Variants in GTF2IRD2B observed in about 807,000 individuals in gnomAD.
GTF2IRD2B encodes general transcription factor II-I repeat domain-containing protein 2B.
In GTF2IRD2B, 10 loss-of-function variants were observed where a neutral mutation model predicts 55.6. The observed-to-expected ratio is 0.18, with a 90% CI of 0.11 to 0.31. GTF2IRD2B has a LOEUF of 0.31. Among genes scored for constraint, GTF2IRD2B ranks in the 10% least tolerant of loss-of-function variants. The pLI is 1.00. For missense variants in GTF2IRD2B, 206 were observed against 802.7 expected, an observed-to-expected ratio of 0.26 and a Z score of 8.98; for synonymous variants, 107 against 320.5, an observed-to-expected ratio of 0.33 and a Z score of 7.12.
chr7:75,147,869 T>C lies in GTF2IRD2B; in HGVS notation c.1422T>C (p.Tyr474=). The change falls in exon 16 of 16, where the codon TAT becomes TAC. Residue 474 remains tyrosine, a synonymous_variant. Coordinates refer to ENST00000472837, the MANE Select transcript of GTF2IRD2B (RefSeq NM_001003795.3). ...ATCAAACCAATCACAGCAAGCATTA[T>C]GACCAGTATACGGAAAGAATGCGTG... The part of the protein sequence containing the change: ...RHYQTNHSKH[Y]DQYTERMRDE... 1 of 1,378,848 alleles carries C rather than the reference T, an allele frequency of 7.3e-7. No individual in the cohort carries two copies. Among genetic ancestry groups the C allele is most frequent in the Non-Finnish European group, 1.0e-6 (1 of 966,086 alleles). The allele number at this position is 1,378,848 out of a possible 1,614,324, so 85.4% of individuals were successfully genotyped here.
intron 10 of GTF2IRD2B, among the ~76,000 whole-genome samples, chr7:75,136,250 A>G (rs1262681338): frequency 2.9e-5 from 4 of 139,468 alleles, no homozygotes; most frequent in African/African-American, 1.2e-4. Context: ...TTAGTTGTAT[A>G]TATCTGCCTT....
In GTF2IRD2B at chr7:75,149,578, A is replaced by C. The variant is rs1809267576; in HGVS notation, c.*281A>C. ...GTATTAGTAGAGATGAGGTTTCACC[A>C]TGTTGGCCAGGCTGGTCTCCAACTC... On this transcript the variant is annotated 3_prime_UTR_variant, in exon 16 of 16. Transcript: ENST00000472837. 1.1e-4 allele frequency: 43 copies of C among 386,406 alleles called. 1 individual carries two copies. Among genetic ancestry groups the C allele is most frequent in the South Asian group, 9.0e-4 (42 of 46,804 alleles). 23.9% of individuals were successfully genotyped at this position (386,406 alleles called of 1,614,324 possible). A position where few individuals can be genotyped will look rare whatever the true frequency, so the allele number is the denominator to read the frequency against.
chr7:75,121,584 A>G (rs1242252439), intron 4 of GTF2IRD2B, among the ~76,000 whole-genome samples: 1 of 139,444 alleles, frequency 7.2e-6, no homozygotes, highest in East Asian at 2.2e-4. Flanking sequence ...CCAGCCTCCT[A>G]AGTAGCTGGG....
rs188484808 is a variant in GTF2IRD2B, at chr7:75,126,830, C to T, written c.670+445C>T. ...TGGCCAACGTAGTAAAACCCTGTCT[C>T]TACTAAAATACAAAAAATTAGCTGG... On this transcript the variant is annotated intron_variant, in intron 8 of 15. Coordinates refer to ENST00000472837, the MANE Select transcript of GTF2IRD2B (RefSeq NM_001003795.3). 3.5e-3 allele frequency among the ~76,000 whole-genome samples: 522 copies of T among 150,658 alleles called. 9 individuals carry two copies. The highest frequency in any genetic ancestry group is 0.012 in the African/African-American group (495 of 41,268).
rs1807391634 is a variant in GTF2IRD2B at position 75,096,729 on chromosome 7, A to G, written c.-6+3964A>G. ...GTGTGAGCCACCTCGCCTGGCTACT[A>G]GTATACATTTTTACATCGCAGGTGA... On this transcript the variant is annotated intron_variant, in intron 1 of 15. Transcript: ENST00000472837. Among the ~76,000 whole-genome samples the G allele has an allele frequency of 1.3e-5, 2 of 150,884 alleles. 1 individual carries two copies. Among genetic ancestry groups the G allele is most frequent in the African/African-American group, 4.9e-5 (2 of 40,592 alleles).
intron 1 of GTF2IRD2B, among the ~76,000 whole-genome samples, chr7:75,106,942 A>G (rs1270972211): frequency 6.6e-6 from 1 of 150,574 alleles, no homozygotes; most frequent in Non-Finnish European, 1.5e-5. Flanking sequence ...AAAACAAACA[A>G]AAAGCTAAAA....
At chr7:75,123,016 C>G in intron 4 of GTF2IRD2B, 120 bp from the exon 5 acceptor site, 1 of 1,530,106 alleles carries the variant, frequency 6.5e-7, no homozygotes, top group Non-Finnish European at 8.8e-7. Flanking sequence ...TGCCATTGCA[C>G]TCCAGCCGGG....
intron 8 of GTF2IRD2B, among the ~76,000 whole-genome samples, chr7:75,130,181 C>CTT: frequency 1.1e-5 from 1 of 87,976 alleles, no homozygotes; most frequent in Non-Finnish European, 2.4e-5. Context: ...TTCTTTCTTT[C>CTT]TCTCCTTCCT....
intron 3 of GTF2IRD2B, among the ~76,000 whole-genome samples, chr7:75,117,752 T>A (rs1267978914): frequency 1.3e-5 from 2 of 152,408 alleles, no homozygotes; most frequent in East Asian, 3.9e-4. Flanking sequence ...TATACATTTT[T>A]ACATTGGCCT....
intron 3 of GTF2IRD2B, among the ~76,000 whole-genome samples, chr7:75,119,900 A>C (rs372341277): frequency 2.7e-5 from 3 of 113,086 alleles, no homozygotes; most frequent in Non-Finnish European, 5.3e-5. Context: ...AGGCCGAGGC[A>C]GGCGGATCAC....
intron 3 of GTF2IRD2B, among the ~76,000 whole-genome samples, chr7:75,116,625 G>GCATCTTTGC (rs1808165831): frequency 7.4e-6 from 1 of 134,806 alleles, no homozygotes; most frequent in Non-Finnish European, 1.6e-5. Flanking sequence ...GGGAGAGAGG[G>GCATCTTTGC]CATCTTTGCC....
At chr7:75,121,447 C>T (rs1554536531) in intron 4 of GTF2IRD2B, among the ~76,000 whole-genome samples, 3 of 151,024 alleles carry the variant, frequency 2.0e-5, no homozygotes, top group African/African-American at 4.9e-5. Context: ...GCTTATCAAG[C>T]GAGGAGCTAG....
chr7:75,106,001 G>A (rs1807789727), intron 1 of GTF2IRD2B, among the ~76,000 whole-genome samples: 1 of 152,298 alleles, frequency 6.6e-6, no homozygotes, highest in African/African-American at 2.4e-5. Context: ...AAAGTCATGT[G>A]GCCACACCAC....
chr7:75,113,985 G>C (rs1808058122), intron 3 of GTF2IRD2B, among the ~76,000 whole-genome samples: 2 of 149,102 alleles, frequency 1.3e-5, no homozygotes, highest in South Asian at 4.2e-4. Flanking sequence ...TGATAGATAA[G>C]AGAGAGGAAT....
chr7:75,103,352 C>T (rs1434606965), intron 1 of GTF2IRD2B, among the ~76,000 whole-genome samples: 1 of 151,310 alleles, frequency 6.6e-6, no homozygotes, highest in Non-Finnish European at 1.5e-5. Context: ...TGCCTGAGTA[C>T]AGCCCGTGGT....
At chr7:75,127,491 A>G (rs1455502160) in intron 8 of GTF2IRD2B, among the ~76,000 whole-genome samples, 18 of 144,612 alleles carry the variant, frequency 1.2e-4, no homozygotes, top group South Asian at 6.5e-4. Flanking sequence ...AAAAAAAAAA[A>G]AGAGAGAGAG....
At chr7:75,118,345 G>C (rs1167084710) in intron 3 of GTF2IRD2B, among the ~76,000 whole-genome samples, 3 of 150,948 alleles carry the variant, frequency 2.0e-5, no homozygotes, top group Non-Finnish European at 4.4e-5. Context: ...ATTTCCACCA[G>C]CACCCCCAGA....
chr7:75,121,546 C>T (rs1808366976), intron 4 of GTF2IRD2B, among the ~76,000 whole-genome samples: 2 of 146,066 alleles, frequency 1.4e-5, no homozygotes, highest in Non-Finnish European at 3.0e-5. Context: ...GTAAACTCTG[C>T]CTCCTGGGTT....
intron 3 of GTF2IRD2B, among the ~76,000 whole-genome samples, chr7:75,115,886 T>A (rs1554451258): frequency 6.6e-6 from 1 of 151,514 alleles, no homozygotes; most frequent in Admixed American, 6.6e-5. Context: ...TGTCTTTCCA[T>A]TTGTTTGTGT....
Sources: allele counts gnomAD v4.1 joint callset (sites outside exome capture counted in the v4.1 genomes callset), GRCh38; gene constraint gnomAD v4.1.1; transcripts MANE v1.5; gene names NCBI Gene and HGNC (gene_info 2026-07-23, HGNC 2026-07-21).